The following XPO1 variants were observed in gnomAD, a reference collection of about 807,000 sequenced individuals.
XPO1 encodes exportin-1.
A neutral mutation model predicts 133.3 loss-of-function variants in XPO1; 5 were observed. That is an observed-to-expected ratio of 0.04 (90% CI 0.02 to 0.08). The LOEUF (loss-of-function observed/expected upper bound fraction) is 0.08, where lower values mean the gene tolerates loss of function less well. Ranked by LOEUF, XPO1 falls within the 10% of genes least tolerant of loss-of-function variation. The pLI, the probability that XPO1 is intolerant of heterozygous loss-of-function variation, is 1.00. For missense variants in XPO1, 506 were observed against 1,267.5 expected, an observed-to-expected ratio of 0.40 and a Z score of 9.12; for synonymous variants, 419 against 408.2, an observed-to-expected ratio of 1.03 and a Z score of -0.32.
At chr2:61,524,293 C>CTTTTTT (rs1698820253) in intron 3 of XPO1, among the ~76,000 whole-genome samples, 1 of 152,084 alleles carries the variant, frequency 6.6e-6, no homozygotes, top group Non-Finnish European at 1.5e-5. Flanking sequence ...TTAAAGATAA[C>CTTTTTT]TTCATCTTAT....
chr2:61,504,949 A>C (rs1457118681), intron 4 of XPO1, among the ~76,000 whole-genome samples: 1 of 152,250 alleles, frequency 6.6e-6, no homozygotes, highest in Non-Finnish European at 1.5e-5. Flanking sequence ...GTTAAGTGTC[A>C]ATATGCATAG....
At chr2:61,487,482 A>G (rs1696752064) in intron 19 of XPO1, among the ~76,000 whole-genome samples, 1 of 152,130 alleles carries the variant, frequency 6.6e-6, no homozygotes, top group Non-Finnish European at 1.5e-5. Flanking sequence ...TTTCCTTAAC[A>G]AGAAACAATA....
At chr2:61,505,472 A>T (rs1167552189) in intron 4 of XPO1, among the ~76,000 whole-genome samples, 3 of 149,610 alleles carry the variant, frequency 2.0e-5, no homozygotes, top group Non-Finnish European at 3.0e-5. Flanking sequence ...GCTCACTGAC[A>T]CGGCCGCCTC....
At chr2:61,499,596 C>A in intron 7 of XPO1, 117 bp downstream of exon 7, 1 of 1,017,116 alleles carries the variant, frequency 9.8e-7, no homozygotes, top group East Asian at 2.8e-5. Flanking sequence ...AAAACCACTA[C>A]AAGCAATTTA....
At chr2:61,521,317 G>T (rs139429448) in intron 4 of XPO1, among the ~76,000 whole-genome samples, 2 of 152,266 alleles carry the variant, frequency 1.3e-5, no homozygotes, top group East Asian at 3.9e-4. Flanking sequence ...GATGATAAGA[G>T]AATGCAGGTG....
intron 2 of XPO1, among the ~76,000 whole-genome samples, chr2:61,531,948 C>A (rs1699172642): frequency 6.6e-6 from 1 of 152,080 alleles, no homozygotes; most frequent in Non-Finnish European, 1.5e-5. Context: ...TTTAGCGTTT[C>A]CATGGACCTT....
At chr2:61,522,963 A>C (rs966309317) in intron 3 of XPO1, among the ~76,000 whole-genome samples, 1 of 152,200 alleles carries the variant, frequency 6.6e-6, no homozygotes, top group Non-Finnish European at 1.5e-5. Context: ...TTAGCAGCCA[A>C]ATAGGCTTAT....
At chr2:61,502,131 T>C (rs1273308699) in intron 5 of XPO1, 91 bp from the exon 6 acceptor site, 1 of 1,500,792 alleles carries the variant, frequency 6.7e-7, no homozygotes. Flanking sequence ...ACAGCTCTAC[T>C]GTAAATGACT....
At chr2:61,501,109 T>C (rs1202476559) in intron 6 of XPO1, among the ~76,000 whole-genome samples, 1 of 152,104 alleles carries the variant, frequency 6.6e-6, no homozygotes, top group Admixed American at 6.5e-5. Context: ...CTCTCACCAC[T>C]CAGAGAAGGG....
intron 4 of XPO1, among the ~76,000 whole-genome samples, chr2:61,510,937 CA>C (rs1163597698): frequency 0.059 from 3,589 of 61,248 alleles, 97 homozygotes; most frequent in African/African-American, 0.16. Context: ...GACCTTATCT[CA>C]AAAAAAAAAA....
chr2:61,500,715 C>T (rs1485984420), intron 6 of XPO1, among the ~76,000 whole-genome samples: 3 of 151,970 alleles, frequency 2.0e-5, no homozygotes, highest in African/African-American at 7.2e-5. Context: ...AGGAGAATTG[C>T]TTGAACCTGG....
intron 4 of XPO1, among the ~76,000 whole-genome samples, chr2:61,513,269 G>A (rs1225359485): frequency 6.6e-6 from 1 of 152,036 alleles, no homozygotes; most frequent in African/African-American, 2.4e-5. Context: ...CCAGTGCTGG[G>A]ATTACAATTG....
Position 61,482,369 on chromosome 2 carries a change from G to A in XPO1, c.2972+11C>T, listed in dbSNP as rs753287180. On this transcript the variant is annotated intron_variant, in intron 23 of 24. Coordinates refer to ENST00000401558, the MANE Select transcript of XPO1 (RefSeq NM_003400.4). ...CAGGAACATTCTACGTTTATTAAAA[G>A]GTATATTTACTCTTGTAGGTGAGGG... 8 of 1,591,566 alleles carry A rather than the reference G, an allele frequency of 5.0e-6. No homozygotes were observed. The East Asian group carries it at 1.8e-4, about 36-fold the overall frequency.
Position 61,537,959 on chromosome 2 carries a change from CG to C in XPO1, c.-405del. 6.2e-6 allele frequency: 1 copy of C among 160,858 alleles called. No individual in the cohort carries two copies. Among genetic ancestry groups the C allele is most frequent in the Admixed American group, 6.4e-5 (1 of 15,524 alleles). The allele number at this position is 160,858 out of a possible 1,614,324, so 10.0% of individuals were successfully genotyped here. A position where few individuals can be genotyped will look rare whatever the true frequency, so the allele number is the denominator to read the frequency against. On this transcript the variant is annotated 5_prime_UTR_variant, in exon 1 of 25. Transcript: ENST00000401558. ...GTAGGGGGTGTAGAGTCCACACGGC[CG>C]GGGAGACGCTCTGCTGCCAGTTGCA...
Position 61,494,101 on chromosome 2 carries a change from A to C in XPO1, c.1048-10T>G, listed in dbSNP as rs1308779902. 1 of 1,603,640 alleles carries C rather than the reference A, an allele frequency of 6.2e-7. No individual in the cohort carries two copies. Among genetic ancestry groups the C allele is most frequent in the Non-Finnish European group, 8.5e-7 (1 of 1,176,976 alleles). On this transcript the variant is annotated splice_polypyrimidine_tract_variant and intron_variant, in intron 11 of 24. Transcript: ENST00000401558. ...ACATATAATGAAGGGCCTACACAGA[A>C]GACCAAAACTGTTAAAATAATTCTT...
intron 6 of XPO1, 83 bp from the exon 7 acceptor site, chr2:61,499,977 A>G: frequency 7.5e-7 from 1 of 1,336,090 alleles, no homozygotes; most frequent in Non-Finnish European, 1.0e-6. Context: ...TGTAATGGAT[A>G]AAGGCAGGAG....
At chr2:61,498,591 G>C in intron 9 of XPO1, 82 bp downstream of exon 9, 1 of 1,542,262 alleles carries the variant, frequency 6.5e-7, no homozygotes. Flanking sequence ...ATAAGGTTTA[G>C]AATGCAGAGA....
intron 2 of XPO1, among the ~76,000 whole-genome samples, chr2:61,532,613 G>A (rs926416706): frequency 1.3e-5 from 2 of 150,928 alleles, no homozygotes; most frequent in East Asian, 2.0e-4. Context: ...CAAGGCAGGC[G>A]GATCACGAGG....
rs1698908394 is a variant in XPO1 at position 61,526,494 on chromosome 2, G to A, written c.154C>T (p.His52Tyr). The A allele has an allele frequency of 6.3e-7, 1 of 1,595,552 alleles. No homozygotes were observed. The highest frequency in any genetic ancestry group is 8.5e-7 in the Non-Finnish European group (1 of 1,175,150). Residue 52 changes from histidine to tyrosine, a missense_variant, in exon 3 of 25, where the codon CAT becomes TAT. By Grantham distance (83) the His-to-Tyr change is moderately conservative (BLOSUM62 2). Around this residue, in one of 6 missense-constraint regions of XPO1, gnomAD observed 68 missense variants for 210.5 expected, o/e 0.32. Coordinates refer to ENST00000401558, the MANE Select transcript of XPO1 (RefSeq NM_003400.4). Reference protein sequence around the residue: ...QQRMAQEVLTHLKEHPDAWTR... With the variant: ...QQRMAQEVLTYLKEHPDAWTR... ...CAAGCATCAGGATGCTCCTTTAAAT[G>A]TGTCAGTACTTCTTGAGCCATTCTT...
Sources: gnomAD v4.1 joint callset for allele counts (sites outside exome capture counted in the v4.1 genomes callset) on GRCh38, gnomAD v4.1.1 for gene constraint, gnomAD v4.1.1 regional missense constraint, MANE v1.5 for transcripts, NCBI Gene and HGNC (gene_info 2026-07-23, HGNC 2026-07-21) for gene names.